The following KIAA1671 variants were observed in gnomAD, a reference collection of about 807,000 sequenced individuals.
KIAA1671 encodes KIAA1671, also known as uncharacterized protein KIAA1671.
In KIAA1671, 52 loss-of-function variants were observed where a neutral mutation model predicts 131.2. That is an observed-to-expected ratio of 0.40 (90% CI 0.32 to 0.50). The LOEUF is 0.50. Among genes scored for constraint, KIAA1671 ranks in the 20% least tolerant of loss-of-function variants. KIAA1671 has a pLI of 0.73. For missense variants in KIAA1671, 2,360 were observed against 2,364.2 expected, an observed-to-expected ratio of 1.00 and a Z score of 0.04; for synonymous variants, 1,003 against 961.6, an observed-to-expected ratio of 1.04 and a Z score of -0.80.
chr22:25,061,809 AG>A (rs1453081347), intron 6 of KIAA1671: 1 of 152,254 alleles, frequency 6.6e-6, no homozygotes, highest in Non-Finnish European at 1.5e-5. Flanking sequence ...CTGAGTGGGG[AG>A]GGAGCGCTCC....
chr22:25,157,343 T>TC (rs957273623), intron 6 of KIAA1671, among the ~76,000 whole-genome samples: 2 of 152,120 alleles, frequency 1.3e-5, no homozygotes, highest in South Asian at 2.1e-4. Flanking sequence ...TTTACTTTTT[T>TC]CCCCCTCACG....
At chr22:25,135,941 G>A (rs73159944) in intron 6 of KIAA1671, among the ~76,000 whole-genome samples, 8,316 of 152,340 alleles carry the variant, frequency 0.055, 310 homozygotes, top group South Asian at 0.11. Context: ...TGCGAGGTAG[G>A]TATTATCATC....
chr22:25,177,322 C>T (rs1011941077), intron 8 of KIAA1671, 26 bp from the exon 9 acceptor site: 39 of 1,523,664 alleles, frequency 2.6e-5, no homozygotes, highest in Admixed American at 8.6e-5. Context: ...TGATTTTTTT[C>T]CTCTTCCTCC....
Position 25,041,205 on chromosome 22 carries a change from G to C in KIAA1671, c.4075G>C (p.Gly1359Arg). 1 of 1,551,774 alleles carries C rather than the reference G, an allele frequency of 6.4e-7. No individual in the cohort carries two copies. The highest frequency in any genetic ancestry group is 1.2e-5 in the South Asian group (1 of 84,062). Residue 1359 changes from glycine (G) to arginine (R), a missense_variant, in exon 5 of 13, where the codon GGG (glycine) becomes CGG (arginine). Around this residue, in one of 3 missense-constraint regions of KIAA1671, gnomAD observed 1,161 missense variants for 1,204.7 expected, o/e 0.96. Transcript: ENST00000358431. ...KPSGREDPGS[G>R]VRVSPKSPPT... is the part of the protein sequence containing the mutation. ...CTCTGGTCGGGAGGATCCAGGCAGT[G>C]GGGTCAGGGTGTCACCCAAATCGCC...
chr22:25,042,771 C>T (rs1482904125), intron 5 of KIAA1671, among the ~76,000 whole-genome samples: 2 of 152,034 alleles, frequency 1.3e-5, no homozygotes, highest in African/African-American at 4.8e-5. Context: ...CTGCGCCCGG[C>T]CTGTAAGCAC....
chr22:25,076,496 G>T (rs11703834), intron 6 of KIAA1671, among the ~76,000 whole-genome samples: 14 of 152,164 alleles, frequency 9.2e-5, no homozygotes, highest in Middle Eastern at 3.4e-3. Context: ...CTTCTCTTCT[G>T]GGGGGAGAAA....
chr22:25,142,705 C>G (rs559059584), intron 6 of KIAA1671, among the ~76,000 whole-genome samples: 4 of 152,232 alleles, frequency 2.6e-5, no homozygotes, highest in East Asian at 3.9e-4. Flanking sequence ...AACCCCGTCT[C>G]TAATAAAAAT....
At chr22:24,966,350 G>A (rs1008021460) in intron 1 of KIAA1671, among the ~76,000 whole-genome samples, 1 of 152,174 alleles carries the variant, frequency 6.6e-6, no homozygotes, top group African/African-American at 2.4e-5. Flanking sequence ...CGGGTGCATT[G>A]GGTGCACCGA....
At position 25,039,829 on chromosome 22, in the gene KIAA1671, G is replaced by T; in HGVS notation, c.2699G>T (p.Arg900Leu). 1 of 1,540,626 alleles carries T rather than the reference G, an allele frequency of 6.5e-7. No homozygotes were observed. Among genetic ancestry groups the T allele is most frequent in the Non-Finnish European group, 8.8e-7 (1 of 1,139,896 alleles). The change falls in exon 5 of 13, where the codon CGA (arginine) becomes CTA (leucine). Residue 900 changes from arginine to leucine, a missense_variant. Physicochemically the swap from Arg to Leu is moderately radical, Grantham distance 102. Transcript: ENST00000358431. ...ATNGPSDSQA[R>L]THPDAFAVQK... Reference sequence around the variant, plus strand: ...AATGGGCCTTCTGACTCCCAAGCACGAACACATCCAGATGCATTTGCTGTG... The same window carrying T: ...AATGGGCCTTCTGACTCCCAAGCACTAACACATCCAGATGCATTTGCTGTG...
chr22:25,039,398 G>C lies in KIAA1671; in HGVS notation c.2268G>C (p.Ala756=). The change falls in exon 5 of 13, where the codon GCG becomes GCC. Residue 756 remains alanine, a synonymous_variant. Transcript: ENST00000358431. ...TCTCACCGGCACCGGAGGAGAAAGC[G>C]GTCACGCTCCGCAGCCTCAGGTCTT... ...EAISPAPEEK[A]VTLRSLRSWL... 3 of 1,551,792 alleles carry C rather than the reference G, an allele frequency of 1.9e-6. No individual in the cohort carries two copies. The highest frequency in any genetic ancestry group is 1.2e-5 in the South Asian group (1 of 84,056).
rs543900681 is a variant in KIAA1671, at chr22:25,081,618, G to A, written c.4530+32254G>A. Among the ~76,000 whole-genome samples the A allele has an allele frequency of 1.6e-4, 12 of 75,882 alleles. No homozygotes were observed. In the East Asian group the frequency reaches 2.1e-3, roughly 13 times the overall value. 49.8% of individuals were successfully genotyped at this position (75,882 alleles called of 152,430 possible). The stretch of plus-strand genomic sequence containing the variant: ...AACAACAGGGGTTAGATGGGCAGCT[G>A]CTTTTTTTTTTTTAAGCATGTGCAG... On this transcript the variant is annotated intron_variant, in intron 6 of 12. Transcript: ENST00000358431.
chr22:24,985,315 C>A (rs573360383), intron 1 of KIAA1671, among the ~76,000 whole-genome samples: 1 of 151,740 alleles, frequency 6.6e-6, no homozygotes, highest in South Asian at 2.1e-4. Flanking sequence ...AGTGAAAGGC[C>A]GTTATTTCCT....
chr22:25,088,059 A>T (rs1929825925), intron 6 of KIAA1671, among the ~76,000 whole-genome samples: 1 of 151,828 alleles, frequency 6.6e-6, no homozygotes, highest in Non-Finnish European at 1.5e-5. Flanking sequence ...TCTTAAGAAG[A>T]TGGAAGTGGT....
chr22:25,034,089 A>G (rs1371150271), intron 4 of KIAA1671, among the ~76,000 whole-genome samples: 3 of 141,212 alleles, frequency 2.1e-5, no homozygotes, highest in African/African-American at 8.2e-5. Flanking sequence ...CTTGTTGCCC[A>G]GGCTAGAGTG....
intron 6 of KIAA1671, among the ~76,000 whole-genome samples, chr22:25,127,480 G>A (rs768346073): frequency 2.0e-5 from 3 of 152,188 alleles, no homozygotes; most frequent in Non-Finnish European, 4.4e-5. Flanking sequence ...CTGGCATAGA[G>A]CCAGCAGCCC....
intron 6 of KIAA1671, among the ~76,000 whole-genome samples, chr22:25,136,585 C>T (rs1932685433): frequency 1.3e-5 from 2 of 152,128 alleles, no homozygotes; most frequent in Admixed American, 1.3e-4. Flanking sequence ...AAATCCTGCC[C>T]GTTTTTGCCT....
intron 1 of KIAA1671, among the ~76,000 whole-genome samples, chr22:24,987,769 G>C (rs935406306): frequency 3.3e-5 from 5 of 152,220 alleles, no homozygotes; most frequent in African/African-American, 1.2e-4. Context: ...ATGACAGCTA[G>C]TCTGATAGAC....
intron 1 of KIAA1671, among the ~76,000 whole-genome samples, chr22:24,997,237 A>C (rs1338208153): frequency 6.6e-6 from 1 of 152,188 alleles, no homozygotes; most frequent in Non-Finnish European, 1.5e-5. Context: ...CTGGGAACCA[A>C]AGCCTACCTG....
intron 6 of KIAA1671, among the ~76,000 whole-genome samples, chr22:25,160,715 G>A (rs1405196479): frequency 6.6e-6 from 1 of 152,052 alleles, no homozygotes; most frequent in African/African-American, 2.4e-5. Flanking sequence ...GACTACACCT[G>A]GCCACACCTG....
Sources: allele counts gnomAD v4.1 joint callset (sites outside exome capture counted in the v4.1 genomes callset), GRCh38; gene constraint gnomAD v4.1.1; regional missense constraint gnomAD v4.1.1; transcripts MANE v1.5; gene names NCBI Gene and HGNC (gene_info 2026-07-23, HGNC 2026-07-21).